The following WWP2 variants were observed in gnomAD, a reference collection of about 807,000 sequenced individuals.
The protein encoded by WWP2 is WW domain containing E3 ubiquitin protein ligase 2.
Under a neutral mutation model 121.0 loss-of-function variants are expected in WWP2, and 57 were observed. That is an observed-to-expected ratio of 0.47 (90% confidence interval 0.38 to 0.59). WWP2 has a LOEUF of 0.59. Among genes scored for constraint, WWP2 ranks in the 20% least tolerant of loss-of-function variants. The pLI is 0.00. For missense variants in WWP2, 962 were observed against 1,158.9 expected, an observed-to-expected ratio of 0.83 and a Z score of 2.47; for synonymous variants, 449 against 441.3, an observed-to-expected ratio of 1.02 and a Z score of -0.22.
intron 1 of WWP2, among the ~76,000 whole-genome samples, chr16:69,775,991 C>G (rs1465574993): frequency 6.6e-6 from 1 of 152,152 alleles, no homozygotes; most frequent in Non-Finnish European, 1.5e-5. Context: ...TTGGTTTTCC[C>G]TAAAAACTCC....
chr16:69,929,627 T>C, intron 12 of WWP2, 98 bp downstream of exon 12: 2 of 1,044,120 alleles, frequency 1.9e-6, no homozygotes, highest in Non-Finnish European at 2.9e-6. Flanking sequence ...CCCAGAGGGC[T>C]GATGTCAGGG....
rs149946511 is a variant in WWP2 at position 69,856,388 on chromosome 16, C to T, written c.575+14268C>T. On this transcript the variant is annotated intron_variant, in intron 6 of 23. Transcript: ENST00000359154. ...CTCAGTTGTGGTGATGGTAACACCA[C>T]TATAAACATTTGGTAAAACTTGCCA... 1.1e-4 allele frequency among the ~76,000 whole-genome samples: 17 copies of T among 152,210 alleles called. No homozygotes were observed. In the East Asian group the frequency reaches 3.3e-3, roughly 29 times the overall value.
At chr16:69,829,426 G>T (rs1328205919) in intron 4 of WWP2, among the ~76,000 whole-genome samples, 1 of 152,160 alleles carries the variant, frequency 6.6e-6, no homozygotes, top group Admixed American at 6.5e-5. Flanking sequence ...GCAATGTCCA[G>T]TGACCACTCA....
intron 4 of WWP2, among the ~76,000 whole-genome samples, chr16:69,831,068 A>C (rs1483205824): frequency 2.0e-5 from 3 of 152,150 alleles, no homozygotes; most frequent in African/African-American, 7.2e-5. Flanking sequence ...AGGCAGGAAG[A>C]AGGAGGCTTG....
chr16:69,772,334 C>T (rs1430891247), intron 1 of WWP2, among the ~76,000 whole-genome samples: 2 of 152,076 alleles, frequency 1.3e-5, no homozygotes, highest in Non-Finnish European at 2.9e-5. Flanking sequence ...TTTTGCCAGT[C>T]CTCCTGTTTT....
At position 69,924,938 on chromosome 16, in the gene WWP2, G is replaced by A. The variant is rs1400804069; in HGVS notation, c.1180-492G>A. 1.2e-5 allele frequency: 12 copies of A among 986,614 alleles called. No homozygotes were observed. In the East Asian group the frequency reaches 4.5e-4, roughly 37 times the overall value. 61.1% of individuals were successfully genotyped at this position (986,614 alleles called of 1,614,324 possible). A position where few individuals can be genotyped will look rare whatever the true frequency, so the allele number is the denominator to read the frequency against. On this transcript the variant is annotated intron_variant, in intron 10 of 23. Coordinates refer to ENST00000359154, the MANE Select transcript of WWP2 (RefSeq NM_001270454.2). ...GGGCCCCAGCCAGGAAGCTCTGGGCGTGGGCAGGGCTTGTGGGAATGATTT... is the reference window on the plus strand; with the variant it reads ...GGGCCCCAGCCAGGAAGCTCTGGGCATGGGCAGGGCTTGTGGGAATGATTT...
chr16:69,939,724 C>T (rs534368292), intron 23 of WWP2, 117 bp from the exon 24 acceptor site: 2 of 930,924 alleles, frequency 2.1e-6, no homozygotes, highest in African/African-American at 1.7e-5. Context: ...GACTGGCAGC[C>T]CCTGAGCCCT....
chr16:69,828,173 T>C (rs2056736283), intron 4 of WWP2, among the ~76,000 whole-genome samples: 2 of 151,656 alleles, frequency 1.3e-5, no homozygotes, highest in South Asian at 2.1e-4. Context: ...GGTTGGTGAG[T>C]CCGTTATGTA....
rs755076570 is a variant in WWP2 at position 69,925,522 on chromosome 16, G to A, written c.1234+38G>A. The stretch of plus-strand genomic sequence containing the variant: ...TTCTCTTCCTGGCCCTTGGCCTTCC[G>A]TCAGCCACGGTGCTCTGTCCTCTCC... On this transcript the variant is annotated intron_variant, in intron 11 of 23. Coordinates refer to ENST00000359154, the MANE Select transcript of WWP2 (RefSeq NM_001270454.2). This position sits in a 1 kb window ranked among gnomAD's most constrained non-coding sequence, Gnocchi z 4.0. The A allele has an allele frequency of 3.0e-5, 49 of 1,610,002 alleles. No homozygotes were observed. Among genetic ancestry groups the A allele is most frequent in the Non-Finnish European group, 3.6e-5 (42 of 1,178,422 alleles).
intron 4 of WWP2, among the ~76,000 whole-genome samples, chr16:69,800,561 GT>G (rs2056141333): frequency 1.5e-5 from 2 of 130,464 alleles, no homozygotes; most frequent in African/African-American, 6.3e-5. Context: ...AATAGTTATT[GT>G]TTTTTCTTTT....
rs183755255 is a variant in WWP2, at chr16:69,788,147, G to A, written c.70+1067G>A. 5.9e-5 allele frequency: 9 copies of A among 152,210 alleles called. No homozygotes were observed. The East Asian group carries it at 1.7e-3, about 29-fold the overall frequency. 9.4% of individuals were successfully genotyped at this position (152,210 alleles called of 1,614,324 possible). On this transcript the variant is annotated intron_variant, in intron 2 of 23. Transcript: ENST00000359154. ...GGAGGCCAAGGCAGGAGGATCACCT[G>A]AGCCCAGGAGTTTGAGACCAGCCTG...
intron 6 of WWP2, among the ~76,000 whole-genome samples, chr16:69,869,210 T>C (rs865936467): frequency 6.6e-6 from 1 of 152,020 alleles, no homozygotes; most frequent in Non-Finnish European, 1.5e-5. Context: ...TTTATGAAAT[T>C]AGCTCAGGGA....
chr16:69,917,906 C>G (rs201204671), intron 10 of WWP2, 23 bp downstream of exon 10: 229 of 1,598,250 alleles, frequency 1.4e-4, no homozygotes, highest in Non-Finnish European at 4.3e-5. Flanking sequence ...GCGCTTGGCC[C>G]GAGGTGGGGC....
chr16:69,857,446 G>A (rs1250197997), intron 6 of WWP2, among the ~76,000 whole-genome samples: 1 of 152,090 alleles, frequency 6.6e-6, no homozygotes, highest in Non-Finnish European at 1.5e-5. Flanking sequence ...AAGTCTTGAT[G>A]GGTTGAAGGT....
intron 18 of WWP2, 47 bp downstream of exon 18, chr16:69,936,033 C>T: frequency 6.2e-7 from 1 of 1,600,214 alleles, no homozygotes; most frequent in Non-Finnish European, 8.5e-7. Flanking sequence ...GGAGGGACGT[C>T]TCTGGGTGGG....
At chr16:69,793,389 C>G (rs2055954755) in intron 2 of WWP2, among the ~76,000 whole-genome samples, 4 of 151,994 alleles carry the variant, frequency 2.6e-5, no homozygotes, top group Admixed American at 1.3e-4. Flanking sequence ...TTCACTGGGA[C>G]TGTAGCATTG....
chr16:69,895,593 G>A (rs756374389), intron 8 of WWP2, among the ~76,000 whole-genome samples: 9 of 152,064 alleles, frequency 5.9e-5, no homozygotes, highest in African/African-American at 1.9e-4. Flanking sequence ...GCAAGACTTC[G>A]TCTCTACAAA....
chr16:69,801,822 T>G (rs1401716653), intron 4 of WWP2, among the ~76,000 whole-genome samples: 1 of 152,210 alleles, frequency 6.6e-6, no homozygotes, highest in East Asian at 1.9e-4. Context: ...TAGACGTATA[T>G]TGATGTTTAT....
chr16:69,805,315 C>T (rs534868956), intron 4 of WWP2, among the ~76,000 whole-genome samples: 43 of 151,936 alleles, frequency 2.8e-4, no homozygotes, highest in Admixed American at 1.2e-3. Context: ...GGATTACAGA[C>T]GTGAGTCACT....
Sources: allele counts gnomAD v4.1 joint callset (sites outside exome capture counted in the v4.1 genomes callset), GRCh38; gene constraint gnomAD v4.1.1; non-coding constraint Gnocchi (gnomAD v3.1); transcripts MANE v1.5; gene names NCBI Gene and HGNC (gene_info 2026-07-23, HGNC 2026-07-21).